BLTP1: variants seen among roughly 807,000 people sequenced by gnomAD.
BLTP1 encodes the protein bridge-like lipid transfer protein family member 1.
chr4:122,315,980 G>C, the BLTP1 span, among the ~76,000 whole-genome samples: 1 of 152,248 alleles, frequency 6.6e-6, no homozygotes, highest in African/African-American at 2.4e-5. Flanking sequence ...TAACAGGTAT[G>C]AGGTTTCTGA....
chr4:122,284,764 A>G, the BLTP1 span, among the ~76,000 whole-genome samples: 40 of 152,300 alleles, frequency 2.6e-4, no homozygotes, highest in Non-Finnish European at 5.1e-4. Flanking sequence ...TATCGTTGTT[A>G]TTAATCTCTT....
chr4:122,247,813 C>G, the BLTP1 span: 1 of 989,302 alleles, frequency 1.0e-6, no homozygotes, highest in Non-Finnish European at 1.2e-6. Context: ...TCTTAAAGTC[C>G]CTAGTTAGGT....
At chr4:122,324,943 A>G in the BLTP1 span, among the ~76,000 whole-genome samples, 1 of 151,994 alleles carries the variant, frequency 6.6e-6, no homozygotes, top group South Asian at 2.1e-4. Context: ...ATATGAAAAA[A>G]TGGAAATTTT....
At chr4:122,265,312 A>G in the BLTP1 span, among the ~76,000 whole-genome samples, 1 of 152,194 alleles carries the variant, frequency 6.6e-6, no homozygotes, top group Non-Finnish European at 1.5e-5. Flanking sequence ...TACCTAATGC[A>G]ATGTAAATGC....
the BLTP1 span, chr4:122,317,989 C>A: frequency 3.7e-6 from 1 of 268,862 alleles, no homozygotes; most frequent in Non-Finnish European, 5.7e-6. Flanking sequence ...GTTTTCTTAA[C>A]AGTTCGCCAA....
At chr4:122,174,515 G>A in the BLTP1 span, 7 of 1,583,342 alleles carry the variant, frequency 4.4e-6, no homozygotes, top group South Asian at 4.7e-5. Context: ...TAAACTTTAA[G>A]GGCCCTACTG....
chr4:122,248,513 G>T, the BLTP1 span, among the ~76,000 whole-genome samples: 1,512 of 152,056 alleles, frequency 9.9e-3, 25 homozygotes, highest in African/African-American at 0.033. Context: ...TAGGTGTCTG[G>T]TTGTGGTGTT....
chr4:122,202,738 A>G, the BLTP1 span, among the ~76,000 whole-genome samples: 11 of 152,036 alleles, frequency 7.2e-5, no homozygotes, highest in African/African-American at 2.4e-4. Context: ...TGAAAATATT[A>G]TTTTGTACTA....
At chr4:122,183,554 C>A in the BLTP1 span, 6 of 979,688 alleles carry the variant, frequency 6.1e-6, no homozygotes, top group African/African-American at 5.3e-5. Context: ...CTTATTTGGG[C>A]CCCAGTTAAC....
the BLTP1 span, chr4:122,271,399 T>C: frequency 1.2e-6 from 2 of 1,613,888 alleles, no homozygotes; most frequent in East Asian, 4.5e-5. Flanking sequence ...GCCGCAGTTC[T>C]AGAGGAAGTC....
chr4:122,178,219 G>C, the BLTP1 span: 1 of 798,680 alleles, frequency 1.3e-6, no homozygotes, highest in Admixed American at 6.3e-5. Context: ...GATTCTTCAA[G>C]GTTATAAACA....
the BLTP1 span, chr4:122,264,215 T>C: frequency 1.3e-6 from 2 of 1,535,018 alleles, no homozygotes; most frequent in Non-Finnish European, 1.8e-6. Context: ...TATTCCCCAA[T>C]AATTTACATT....
the BLTP1 span, chr4:122,243,084 A>G: frequency 6.2e-7 from 1 of 1,610,236 alleles, no homozygotes; most frequent in Non-Finnish European, 8.5e-7. Flanking sequence ...TAAAAATATC[A>G]TGCTTTTAAA....
the BLTP1 span, chr4:122,231,663 A>T: frequency 1.0e-6 from 1 of 962,594 alleles, no homozygotes; most frequent in Non-Finnish European, 1.2e-6. Context: ...CATCTGTATT[A>T]TTTTTTTCTT....
the BLTP1 span, among the ~76,000 whole-genome samples, chr4:122,177,302 T>C: frequency 6.6e-6 from 1 of 152,190 alleles, no homozygotes; most frequent in Non-Finnish European, 1.5e-5. Flanking sequence ...ACATCCAGAA[T>C]CCAACTACTT....
chr4:122,249,920 C>T, the BLTP1 span: 9 of 984,158 alleles, frequency 9.1e-6, no homozygotes, highest in African/African-American at 3.5e-5. Flanking sequence ...TATGTTTTTC[C>T]GAATAAATTC....
At chr4:122,319,983 C>T in the BLTP1 span, among the ~76,000 whole-genome samples, 4 of 152,072 alleles carry the variant, frequency 2.6e-5, no homozygotes, top group African/African-American at 9.7e-5. Context: ...TTGATTATAT[C>T]CAATTGACTG....
chr4:122,239,178 G>T, the BLTP1 span, among the ~76,000 whole-genome samples: 3 of 152,184 alleles, frequency 2.0e-5, no homozygotes, highest in Non-Finnish European at 4.4e-5. Context: ...GAGGCACCTG[G>T]TGTATTTTGT....
the BLTP1 span, chr4:122,345,061 C>A: frequency 2.0e-6 from 2 of 976,104 alleles, no homozygotes; most frequent in Non-Finnish European, 2.4e-6. Flanking sequence ...CTGAAGAATC[C>A]AGAATACTGA....
Sources: allele counts gnomAD v4.1 joint callset (sites outside exome capture counted in the v4.1 genomes callset), GRCh38; gene constraint gnomAD v4.1.1; transcripts MANE v1.5; gene names NCBI Gene and HGNC (gene_info 2026-07-23, HGNC 2026-07-21).